The following HMCES variants were observed in gnomAD, a reference collection of about 807,000 sequenced individuals.
The protein encoded by HMCES is abasic site processing protein HMCES.
A neutral mutation model predicts 35.1 loss-of-function variants in HMCES; 27 were observed. That is an observed-to-expected ratio of 0.77 (90% CI 0.57 to 1.06). The LOEUF (loss-of-function observed/expected upper bound fraction) is 1.06. Ranked by LOEUF, HMCES falls within the 50% of genes least tolerant of loss-of-function variation. The probability of loss-of-function intolerance (pLI) is 0.00; values close to 1 mark genes in which losing one functional copy is unlikely to be tolerated. For synonymous variants in HMCES, 130 were observed against 154.7 expected, an observed-to-expected ratio of 0.84 and a Z score of 1.18; for missense variants, 391 against 430.4, an observed-to-expected ratio of 0.91 and a Z score of 0.81.
chr3:129,300,166 TTATA>T (rs35145445), intron 5 of HMCES, among the ~76,000 whole-genome samples: 1,843 of 141,170 alleles, frequency 0.013, 33 homozygotes, highest in African/African-American at 0.035. Context: ...ATGTGCATCT[TTATA>T]TATATATATA....
At chr3:129,286,299 C>T (rs1035975441) in intron 2 of HMCES, among the ~76,000 whole-genome samples, 1 of 152,200 alleles carries the variant, frequency 6.6e-6, no homozygotes, top group Non-Finnish European at 1.5e-5. Context: ...TTATAAAAGA[C>T]ACCCCAGAGA....
Position 129,301,954 on chromosome 3 carries a change from C to G in HMCES, c.640C>G (p.Pro214Ala), listed in dbSNP as rs768596245. 6.2e-7 allele frequency: 1 copy of G among 1,611,812 alleles called. No homozygotes were observed. Among genetic ancestry groups the G allele is most frequent in the South Asian group, 1.1e-5 (1 of 90,708 alleles). ...KGLSDIHHRM[P>A]AILDGEEAVS... ...TGTCTTAACTTCCCTGGCCAGGATG[C>G]CTGCCATATTAGATGGAGAGGAGGC... The change falls in exon 6 of 7, where the codon CCT becomes GCT. Residue 214 changes from proline to alanine, a missense_variant. Pro to Ala is a conservative substitution (Grantham distance 27). Transcript: ENST00000383463.
rs1398104864 is a variant in HMCES, at chr3:129,298,535, G to A, written c.635G>A (p.Arg212Lys). 3 of 1,612,858 alleles carry A rather than the reference G, an allele frequency of 1.9e-6. No homozygotes were observed. Among genetic ancestry groups the A allele is most frequent in the African/African-American group, 1.3e-5 (1 of 75,000 alleles). ...AAAGGCTTGAGTGACATCCACCACAGGCAAGTCATACTTCTTAGCCCTGGA... is the reference window on the plus strand; with the variant it reads ...AAAGGCTTGAGTGACATCCACCACAAGCAAGTCATACTTCTTAGCCCTGGA... ...SCKGLSDIHH[R>K]MPAILDGEEA... Residue 212 changes from arginine (R) to lysine (K), a missense_variant and splice_region_variant, in exon 5 of 7, where the codon AGG (arginine) becomes AAG (lysine). Arg to Lys is a conservative substitution (Grantham distance 26, BLOSUM62 2). Coordinates refer to ENST00000383463, the MANE Select transcript of HMCES (RefSeq NM_020187.3).
intron 2 of HMCES, among the ~76,000 whole-genome samples, chr3:129,280,166 A>G (rs991642907): frequency 1.3e-5 from 2 of 152,214 alleles, no homozygotes; most frequent in African/African-American, 2.4e-5. Flanking sequence ...TAGCCTTAAT[A>G]TATGCCAAAT....
chr3:129,287,693 A>G (rs1940674239), intron 2 of HMCES, among the ~76,000 whole-genome samples: 1 of 152,192 alleles, frequency 6.6e-6, no homozygotes, highest in South Asian at 2.1e-4. Flanking sequence ...CCAACCTTGT[A>G]TATAGGTTTT....
At chr3:129,280,580 G>T (rs1940446179) in intron 2 of HMCES, among the ~76,000 whole-genome samples, 1 of 152,168 alleles carries the variant, frequency 6.6e-6, no homozygotes, top group African/African-American at 2.4e-5. Flanking sequence ...TCTAGGCCTA[G>T]GACAGGCTTA....
chr3:129,296,685 A>G (rs2071097026), intron 4 of HMCES, among the ~76,000 whole-genome samples: 1 of 152,186 alleles, frequency 6.6e-6, no homozygotes, highest in Non-Finnish European at 1.5e-5. Context: ...CTATTAGGCC[A>G]TTAATATATG....
At chr3:129,301,734 G>C (rs144445412) in intron 5 of HMCES, among the ~76,000 whole-genome samples, 3 of 152,184 alleles carry the variant, frequency 2.0e-5, no homozygotes, top group Non-Finnish European at 2.9e-5. Context: ...CACTGTCTTT[G>C]CCATGAAACT....
chr3:129,288,442 C>T (rs1439351478), intron 2 of HMCES, among the ~76,000 whole-genome samples: 1 of 152,052 alleles, frequency 6.6e-6, no homozygotes, highest in East Asian at 1.9e-4. Flanking sequence ...CACCCACAAT[C>T]CCAACACTTT....
At chr3:129,297,035 G>C (rs2071102000) in intron 4 of HMCES, among the ~76,000 whole-genome samples, 1 of 152,188 alleles carries the variant, frequency 6.6e-6, no homozygotes, top group Non-Finnish European at 1.5e-5. Context: ...ACCACGACCA[G>C]GCTACAGTGC....
At chr3:129,293,184 G>A (rs933315969) in intron 4 of HMCES, among the ~76,000 whole-genome samples, 2 of 152,310 alleles carry the variant, frequency 1.3e-5, no homozygotes, top group African/African-American at 4.8e-5. Flanking sequence ...GTAAGCCCAA[G>A]AATTTAGTCA....
In HMCES at chr3:129,279,905, A is replaced by G. The variant is rs938891962; in HGVS notation, c.173A>G (p.His58Arg). The G allele has an allele frequency of 1.3e-6, 2 of 1,591,288 alleles. No homozygotes were observed. Among genetic ancestry groups the G allele is most frequent in the Admixed American group, 1.9e-5 (1 of 53,816 alleles). ...AGCCCAGTGCTTCTGTCTCGACTGC[A>G]CTTTGAGAAGGTAACCAGCATTGCA... ...SNSPVLLSRLHFEKDADSSER... is the reference protein window; with the variant it reads ...SNSPVLLSRLRFEKDADSSER... Residue 58 changes from histidine (H) to arginine (R), a missense_variant, in exon 2 of 7, where the codon CAC becomes CGC. Transcript: ENST00000383463. This position sits in a 1 kb window ranked among gnomAD's most constrained non-coding sequence, Gnocchi z 4.2.
intron 5 of HMCES, among the ~76,000 whole-genome samples, chr3:129,298,846 A>C (rs565591954): frequency 6.6e-6 from 1 of 152,288 alleles, no homozygotes; most frequent in South Asian, 2.1e-4. Context: ...GTGGTTAAGA[A>C]ATAAATAAAT....
chr3:129,304,358 T>C (rs772848728), intron 6 of HMCES, among the ~76,000 whole-genome samples: 75 of 152,242 alleles, frequency 4.9e-4, no homozygotes, highest in Admixed American at 9.2e-4. Context: ...CTCTCTTCTC[T>C]GGCTGGTCCC....
At chr3:129,301,030 C>CAAAGAA (rs1553801615) in intron 5 of HMCES, among the ~76,000 whole-genome samples, 3,538 of 119,610 alleles carry the variant, frequency 0.03, 97 homozygotes, top group African/African-American at 0.066. Flanking sequence ...GACTCCATCT[C>CAAAGAA]AAAAAAAAAA....
At chr3:129,302,874 C>T (rs2071187843) in intron 6 of HMCES, among the ~76,000 whole-genome samples, 1 of 151,868 alleles carries the variant, frequency 6.6e-6, no homozygotes. Context: ...AAAAAAGCTT[C>T]TTTGATGAGT....
rs142056372 is a variant in HMCES at position 129,279,942 on chromosome 3, C to T, written c.183+27C>T. 3.4e-3 allele frequency: 5,128 copies of T among 1,504,962 alleles called. 10 individuals are homozygous for T. The highest frequency in any genetic ancestry group is 4.0e-3 in the Non-Finnish European group (4,531 of 1,127,010). 93.2% of individuals were successfully genotyped at this position (1,504,962 alleles called of 1,614,324 possible). The stretch of plus-strand genomic sequence containing the variant: ...TAACCAGCATTGCACTATGCTAGCC[C>T]CTCGCCCAGCCTCGTGATGGTCATC... On this transcript the variant is annotated intron_variant, in intron 2 of 6. Transcript: ENST00000383463. The surrounding 1 kb of genome is among the most constrained non-coding windows in gnomAD (Gnocchi z 4.2).
At chr3:129,280,386 AAAT>A (rs1195812720) in intron 2 of HMCES, among the ~76,000 whole-genome samples, 1 of 152,148 alleles carries the variant, frequency 6.6e-6, no homozygotes, top group Non-Finnish European at 1.5e-5. Flanking sequence ...TCTCTACAAA[AAAT>A]AAAAAAATGA....
Position 129,298,454 on chromosome 3 carries a change from C to A in HMCES, c.554C>A (p.Pro185His). Reference protein sequence around the residue: ...TMAGIFDCWEPPEGGDVLYSY... With the variant: ...TMAGIFDCWEHPEGGDVLYSY... Reference sequence around the variant, plus strand: ...GCCGGGATCTTTGACTGCTGGGAGCCCCCAGAGGGAGGAGATGTCCTGTAT... The same window carrying A: ...GCCGGGATCTTTGACTGCTGGGAGCACCCAGAGGGAGGAGATGTCCTGTAT... Residue 185 changes from proline (P) to histidine (H), a missense_variant, in exon 5 of 7, where the codon CCC (proline) becomes CAC (histidine). Transcript: ENST00000383463. 3 of 1,614,072 alleles carry A rather than the reference C, an allele frequency of 1.9e-6. No individual in the cohort carries two copies. Among genetic ancestry groups the A allele is most frequent in the South Asian group, 1.1e-5 (1 of 91,086 alleles).
Sources: gnomAD v4.1 joint callset for allele counts (sites outside exome capture counted in the v4.1 genomes callset) on GRCh38, gnomAD v4.1.1 for gene constraint, Gnocchi (gnomAD v3.1) non-coding constraint, MANE v1.5 for transcripts, NCBI Gene and HGNC (gene_info 2026-07-23, HGNC 2026-07-21) for gene names.